Variants in CSGALNACT1 observed in about 807,000 individuals in gnomAD.
CSGALNACT1 encodes chondroitin sulfate N-acetylgalactosaminyltransferase 1.
CSGALNACT1 carries 52 observed loss-of-function variants against 51.0 expected under a neutral mutation model. The observed-to-expected ratio is 1.02, with a 90% confidence interval of 0.82 to 1.29. The LOEUF is 1.29. CSGALNACT1 is among the 50% of genes most tolerant of loss of function. The probability of loss-of-function intolerance (pLI) is 0.00; values close to 1 mark genes in which losing one functional copy is unlikely to be tolerated. For missense variants in CSGALNACT1, 935 were observed against 679.2 expected (o/e 1.38, Z -4.19); for synonymous variants, 341 against 254.4 (o/e 1.34, Z -3.24).
chr8:19,544,534 A>G (rs1426279940), intron 3 of CSGALNACT1, among the ~76,000 whole-genome samples: 2 of 152,214 alleles, frequency 1.3e-5, no homozygotes, highest in East Asian at 1.9e-4. Context: ...GAAACCAAAG[A>G]TAACTCCGAA....
At chr8:19,573,545 G>A (rs1303655147) in intron 3 of CSGALNACT1, among the ~76,000 whole-genome samples, 1 of 151,934 alleles carries the variant, frequency 6.6e-6, no homozygotes, top group Non-Finnish European at 1.5e-5. Flanking sequence ...CCAGGTTCAA[G>A]CCATTCTCCT....
chr8:19,461,061 T>C (rs1428876662), intron 4 of CSGALNACT1, among the ~76,000 whole-genome samples: 1 of 152,168 alleles, frequency 6.6e-6, no homozygotes, highest in Non-Finnish European at 1.5e-5. Context: ...CTAAGTTCCC[T>C]TTGGAAGCCT....
intron 1 of CSGALNACT1, among the ~76,000 whole-genome samples, chr8:19,667,036 G>GAAAGA (rs1564386834): frequency 1.8e-4 from 5 of 28,486 alleles, no homozygotes; most frequent in East Asian, 1.1e-3. Context: ...AGGAAGGAAG[G>GAAAGA]AAGGAAGAAA....
intron 6 of CSGALNACT1, among the ~76,000 whole-genome samples, chr8:19,437,601 C>G (rs1320105525): frequency 6.6e-6 from 1 of 152,144 alleles, no homozygotes; most frequent in African/African-American, 2.4e-5. Context: ...ATGAGGAGAT[C>G]AACACCAAAA....
At chr8:19,544,448 T>A (rs1364537795) in intron 3 of CSGALNACT1, among the ~76,000 whole-genome samples, 2 of 152,210 alleles carry the variant, frequency 1.3e-5, no homozygotes, top group Non-Finnish European at 2.9e-5. Context: ...GACATTTTTA[T>A]TTTTTTCTCC....
At chr8:19,485,641 C>T (rs991715157) in intron 4 of CSGALNACT1, among the ~76,000 whole-genome samples, 7 of 152,016 alleles carry the variant, frequency 4.6e-5, no homozygotes, top group African/African-American at 1.4e-4. Context: ...ATCATTCCTT[C>T]ACCCCTCCCA....
At chr8:19,404,534 C>G (rs1471303897) in exon 10 of CSGALNACT1, 2 of 453,824 alleles carry the variant, frequency 4.4e-6, no homozygotes, top group Admixed American at 4.7e-5. Flanking sequence ...TTACTTCCAC[C>G]TGGCCTGGGG....
chr8:19,735,663 A>G (rs968201490), intron 1 of CSGALNACT1, among the ~76,000 whole-genome samples: 1 of 152,194 alleles, frequency 6.6e-6, no homozygotes, highest in African/African-American at 2.4e-5. Flanking sequence ...AAAAAATAAA[A>G]TTTTATGTAT....
At chr8:19,469,149 G>A (rs1308008978) in intron 4 of CSGALNACT1, among the ~76,000 whole-genome samples, 1 of 152,166 alleles carries the variant, frequency 6.6e-6, no homozygotes, top group Non-Finnish European at 1.5e-5. Context: ...TAGCACTTTG[G>A]GAGGCTGAGG....
chr8:19,541,375 C>T lies in CSGALNACT1; in HGVS notation c.-296-35245G>A, dbSNP rs111675948. On this transcript the variant is annotated intron_variant, in intron 3 of 9. Coordinates refer to ENST00000454498, the Ensembl canonical transcript of CSGALNACT1. Reference sequence around the variant, plus strand: ...ATGCCATTCTCCTGCCTCAGCCTCCCGAGCAGGTGGGACTACAGGCACTTG... The same window carrying T: ...ATGCCATTCTCCTGCCTCAGCCTCCTGAGCAGGTGGGACTACAGGCACTTG... Among the ~76,000 whole-genome samples the T allele has an allele frequency of 3.4e-3, 512 of 151,184 alleles. 4 individuals are homozygous for T. Among genetic ancestry groups the T allele is most frequent in the African/African-American group, 0.012 (491 of 41,100 alleles).
At chr8:19,514,650 G>A (rs1563841282) in intron 3 of CSGALNACT1, among the ~76,000 whole-genome samples, 3 of 143,378 alleles carry the variant, frequency 2.1e-5, no homozygotes, top group African/African-American at 5.2e-5. Context: ...GTGAAACCCC[G>A]TCTCTACCAA....
intron 4 of CSGALNACT1, among the ~76,000 whole-genome samples, chr8:19,490,462 G>A (rs2074114567): frequency 1.3e-5 from 2 of 152,128 alleles, no homozygotes; most frequent in Non-Finnish European, 2.9e-5. Flanking sequence ...TACTGGGAAG[G>A]GGAAAAAAGA....
chr8:19,596,553 G>C lies in CSGALNACT1; in HGVS notation c.-416+5218C>G, dbSNP rs575711909. The stretch of plus-strand genomic sequence containing the variant: ...AACAAGTGAGAAAGAGAGTAATTCT[G>C]AATCATGTTTTAACTGCAAATATAG... On this transcript the variant is annotated intron_variant, in intron 2 of 9. Transcript: ENST00000454498. Among the ~76,000 whole-genome samples the C allele has an allele frequency of 6.7e-5, 10 of 149,872 alleles. No individual in the cohort carries two copies. In the South Asian group the frequency reaches 8.4e-4, roughly 13 times the overall value.
rs370417446 is a variant in CSGALNACT1 at position 19,728,790 on chromosome 8, G to A, written c.-297+29060C>T. Among the ~76,000 whole-genome samples, 5 of 152,068 alleles carry A rather than the reference G, an allele frequency of 3.3e-5. No homozygotes were observed. The East Asian group carries it at 5.8e-4, about 18-fold the overall frequency. ...AAAATTCTCGAACATTTTTAGGTGT[G>A]TATGACTGCACTGTGGAAAAAAATG... On this transcript the variant is annotated intron_variant, in intron 1 of 1. Coordinates refer to the CSGALNACT1 transcript ENST00000517494.
At chr8:19,684,105 G>T (rs979571038), upstream of CSGALNACT1, among the ~76,000 whole-genome samples, 2 of 152,124 alleles carry the variant, frequency 1.3e-5, no homozygotes, top group African/African-American at 4.8e-5. Context: ...GGCGGAGATT[G>T]CAGGGAGCAG....
At chr8:19,735,720 A>G (rs1313449248) in intron 1 of CSGALNACT1, among the ~76,000 whole-genome samples, 2 of 152,222 alleles carry the variant, frequency 1.3e-5, no homozygotes, top group Non-Finnish European at 2.9e-5. Flanking sequence ...TACATGAAAA[A>G]TTGTTAAATA....
intron 1 of CSGALNACT1, among the ~76,000 whole-genome samples, chr8:19,637,074 C>T (rs1427739221): frequency 6.6e-6 from 1 of 152,026 alleles, no homozygotes; most frequent in South Asian, 2.1e-4. Context: ...GTGGTCTCCA[C>T]CTGTAATCCC....
intron 1 of CSGALNACT1, among the ~76,000 whole-genome samples, chr8:19,754,295 T>C (rs1589837544): frequency 6.6e-6 from 1 of 152,326 alleles, no homozygotes; most frequent in East Asian, 1.9e-4. Flanking sequence ...CCCAAAGCGC[T>C]GGGATTATAG....
intron 3 of CSGALNACT1, among the ~76,000 whole-genome samples, chr8:19,535,573 T>G (rs1213960264): frequency 6.6e-6 from 1 of 152,192 alleles, no homozygotes; most frequent in East Asian, 1.9e-4. Context: ...ATATTTAAAA[T>G]CATTTAAACA....
Sources: gnomAD v4.1 joint callset for allele counts (sites outside exome capture counted in the v4.1 genomes callset) on GRCh38, gnomAD v4.1.1 for gene constraint, MANE v1.5 for transcripts, NCBI Gene and HGNC (gene_info 2026-07-23, HGNC 2026-07-21) for gene names.